TENM3: variants seen among roughly 807,000 people sequenced by gnomAD.
The protein encoded by TENM3 is teneurin-3.
TENM3 carries 63 observed loss-of-function variants against 255.1 expected under a neutral mutation model. That is an observed-to-expected ratio of 0.25 (90% CI 0.20 to 0.30). The LOEUF (loss-of-function observed/expected upper bound fraction) is 0.30, where lower values mean the gene tolerates loss of function less well. Ranked by LOEUF, TENM3 falls within the 10% of genes least tolerant of loss-of-function variation. The probability of loss-of-function intolerance (pLI) is 1.00; values close to 1 mark genes in which losing one functional copy is unlikely to be tolerated. For synonymous variants in TENM3, 1,306 were observed against 1,322.3 expected (o/e 0.99, Z 0.27); for missense variants, 2,929 against 3,461.1 (o/e 0.85, Z 3.86).
At chr4:181,859,303 C>T in the TENM3 span, among the ~76,000 whole-genome samples, 5 of 145,630 alleles carry the variant, frequency 3.4e-5, no homozygotes, top group Admixed American at 1.4e-4. Flanking sequence ...AACTATCTGA[C>T]GATATGATAG....
chr4:181,783,950 C>T, the TENM3 span, among the ~76,000 whole-genome samples: 2 of 152,168 alleles, frequency 1.3e-5, no homozygotes, highest in Non-Finnish European at 2.9e-5. Context: ...GTCCTCCAGC[C>T]TTGGCCTCCC....
chr4:181,859,819 T>C, the TENM3 span, among the ~76,000 whole-genome samples: 1 of 152,162 alleles, frequency 6.6e-6, no homozygotes. Flanking sequence ...TCTGAATAAC[T>C]TAACTAATTT....
At chr4:181,596,862 A>G in the TENM3 span, among the ~76,000 whole-genome samples, 1 of 152,272 alleles carries the variant, frequency 6.6e-6, no homozygotes, top group African/African-American at 2.4e-5. Flanking sequence ...GTTGTCACTT[A>G]TAAGCGGGAG....
chr4:182,145,445 G>C (rs939916665), intron 1 of TENM3, among the ~76,000 whole-genome samples: 1 of 152,138 alleles, frequency 6.6e-6, no homozygotes, highest in Non-Finnish European at 1.5e-5. Flanking sequence ...AGTCCCTCTC[G>C]TGTTTTACAA....
At chr4:182,085,164 G>A in the TENM3 span, 1 of 152,180 alleles carries the variant, frequency 6.6e-6, no homozygotes, top group Admixed American at 6.5e-5. Context: ...TTTTTCCACA[G>A]CTTAGGTTAC....
the TENM3 span, among the ~76,000 whole-genome samples, chr4:181,776,595 C>T: frequency 3.9e-5 from 6 of 151,950 alleles, no homozygotes; most frequent in Non-Finnish European, 7.4e-5. Context: ...TTATTTTTGT[C>T]TTTTTGATAA....
the TENM3 span, among the ~76,000 whole-genome samples, chr4:182,055,197 ATT>A: frequency 6.6e-6 from 1 of 151,988 alleles, no homozygotes; most frequent in Non-Finnish European, 1.5e-5. Context: ...AAATACAAAC[ATT>A]AGCCCAGCAT....
At chr4:182,277,411 C>A (rs1030722263) in intron 1 of TENM3, among the ~76,000 whole-genome samples, 1 of 151,658 alleles carries the variant, frequency 6.6e-6, no homozygotes, top group African/African-American at 2.4e-5. Context: ...TCAGAGAAAC[C>A]AGGTATTTTC....
Position 182,277,347 on chromosome 4 carries a change from G to A in TENM3, c.-76+33871G>A, listed in dbSNP as rs543763041. Among the ~76,000 whole-genome samples the A allele has an allele frequency of 8.6e-5, 13 of 151,754 alleles. No homozygotes were observed. In the South Asian group the frequency reaches 2.7e-3, roughly 32 times the overall value. ...AGTATGTTCACAGAGGTAGAGTTGG[G>A]GGGTGGGGGTTGTTGTTTTTTTAAT... On this transcript the variant is annotated intron_variant, in intron 1 of 27. Transcript: ENST00000511685.
At chr4:181,677,679 CTTGT>C in the TENM3 span, among the ~76,000 whole-genome samples, 6 of 152,070 alleles carry the variant, frequency 3.9e-5, no homozygotes, top group Non-Finnish European at 8.8e-5. Flanking sequence ...CTGGTTCTCT[CTTGT>C]TTAAGAGAAT....
At chr4:181,712,833 T>A in the TENM3 span, among the ~76,000 whole-genome samples, 1 of 152,334 alleles carries the variant, frequency 6.6e-6, no homozygotes, top group East Asian at 1.9e-4. Flanking sequence ...GAATGATTTA[T>A]CAAGTAACAG....
intron 6 of TENM3, among the ~76,000 whole-genome samples, chr4:182,660,654 C>G (rs559947055): frequency 1.3e-5 from 2 of 152,162 alleles, no homozygotes; most frequent in Non-Finnish European, 2.9e-5. Context: ...TGGAAATCCC[C>G]ATCATTCGTT....
intron 1 of TENM3, among the ~76,000 whole-genome samples, chr4:182,228,563 A>G (rs1389012646): frequency 6.6e-6 from 1 of 151,970 alleles, no homozygotes; most frequent in Non-Finnish European, 1.5e-5. Context: ...AAAGAGGAGC[A>G]TGACACATGA....
intron 1 of TENM3, among the ~76,000 whole-genome samples, chr4:182,211,921 A>G (rs1426523473): frequency 6.6e-6 from 1 of 152,146 alleles, no homozygotes; most frequent in African/African-American, 2.4e-5. Context: ...AAGGTTTTTC[A>G]CTAGGAATAG....
intron 3 of TENM3, among the ~76,000 whole-genome samples, chr4:182,584,183 C>T (rs1745783709): frequency 6.6e-6 from 1 of 152,216 alleles, no homozygotes; most frequent in African/African-American, 2.4e-5. Flanking sequence ...ATAGATATCA[C>T]TTGCACCATT....
the TENM3 span, among the ~76,000 whole-genome samples, chr4:181,921,316 C>A: frequency 8.5e-5 from 13 of 152,130 alleles, 1 homozygote; most frequent in South Asian, 1.5e-3. Flanking sequence ...TCTATAAATT[C>A]CCTTGGGCAG....
At chr4:181,943,969 C>T in the TENM3 span, among the ~76,000 whole-genome samples, 1 of 152,126 alleles carries the variant, frequency 6.6e-6, no homozygotes, top group South Asian at 2.1e-4. Flanking sequence ...GAGACCCAAG[C>T]TGTGTGTCTC....
At chr4:181,551,661 G>T in the TENM3 span, among the ~76,000 whole-genome samples, 1 of 152,092 alleles carries the variant, frequency 6.6e-6, no homozygotes, top group Non-Finnish European at 1.5e-5. Flanking sequence ...TGTTTGAAAA[G>T]AGATGGCCTA....
At chr4:182,784,333 C>T (rs1305430253) in intron 24 of TENM3, among the ~76,000 whole-genome samples, 4 of 151,766 alleles carry the variant, frequency 2.6e-5, no homozygotes, top group Admixed American at 6.6e-5. Context: ...TCAGTGTGCC[C>T]CTGCTGGGGG....
Sources: gnomAD v4.1 joint callset for allele counts (sites outside exome capture counted in the v4.1 genomes callset) on GRCh38, gnomAD v4.1.1 for gene constraint, MANE v1.5 for transcripts, NCBI Gene and HGNC (gene_info 2026-07-23, HGNC 2026-07-21) for gene names.